GNAS-AS1: variants seen among roughly 807,000 people sequenced by gnomAD.
GNAS-AS1 encodes GNAS antisense RNA 1 (non-protein coding).
chr20:58,822,808 C>T (rs2145450195), intron 4 of GNAS-AS1, among the ~76,000 whole-genome samples: 2 of 152,154 alleles, frequency 1.3e-5, no homozygotes, highest in South Asian at 4.2e-4. Context: ...GAGTGGAAAG[C>T]AGGGTGCTGA....
chr20:58,823,661 T>C (rs912331789), intron 4 of GNAS-AS1, among the ~76,000 whole-genome samples: 7 of 152,266 alleles, frequency 4.6e-5, no homozygotes, highest in Non-Finnish European at 8.8e-5. Flanking sequence ...ATGTGGGCTC[T>C]GCACGTTCCC....
intron 4 of GNAS-AS1, chr20:58,838,955 T>C: frequency 8.5e-6 from 3 of 354,822 alleles, no homozygotes; most frequent in Non-Finnish European, 1.5e-5. Context: ...ACCTAGGAAA[T>C]GGCTGTAAGG....
At chr20:58,825,563 T>A (rs1017595216) in intron 4 of GNAS-AS1, among the ~76,000 whole-genome samples, 3 of 152,146 alleles carry the variant, frequency 2.0e-5, no homozygotes, top group Admixed American at 1.3e-4. Context: ...TGTATTTACA[T>A]AAAAAAACAG....
intron 4 of GNAS-AS1, among the ~76,000 whole-genome samples, chr20:58,822,559 C>T (rs561417820): frequency 6.6e-6 from 1 of 152,312 alleles, no homozygotes; most frequent in African/African-American, 2.4e-5. Context: ...AAAAGAACTC[C>T]TGTGTGGTCG....
rs868770860 is a variant in GNAS-AS1 at position 58,840,575 on chromosome 20, C to T, written n.819+1362G>A. Reference sequence around the variant, plus strand: ...GGTGCCCAAGCACTCCACCTTCGGCCAGTCCCTCACCCAGCGTCTGCACGC... The same window carrying T: ...GGTGCCCAAGCACTCCACCTTCGGCTAGTCCCTCACCCAGCGTCTGCACGC... On this transcript the variant is annotated intron_variant and non_coding_transcript_variant, in intron 4 of 4. Transcript: ENST00000424094. The surrounding 1 kb of genome is among the most constrained non-coding windows in gnomAD (Gnocchi z 6.0). 6.2e-7 allele frequency: 1 copy of T among 1,612,558 alleles called. No homozygotes were observed. The highest frequency in any genetic ancestry group is 8.5e-7 in the Non-Finnish European group (1 of 1,179,646).
At chr20:58,824,756 A>T (rs969884888) in intron 4 of GNAS-AS1, among the ~76,000 whole-genome samples, 9 of 152,292 alleles carry the variant, frequency 5.9e-5, no homozygotes, top group African/African-American at 2.2e-4. Context: ...CGCTGTAAAC[A>T]TTTTATCATG....
chr20:58,850,116 C>A (rs1012140586), intron 1 of GNAS-AS1, among the ~76,000 whole-genome samples: 4 of 152,154 alleles, frequency 2.6e-5, no homozygotes, highest in Non-Finnish European at 5.9e-5. Context: ...GTGGGCAAAC[C>A]GTCTCCCATC....
chr20:58,819,855 C>T (rs879619177), intron 4 of GNAS-AS1, among the ~76,000 whole-genome samples: 21 of 152,218 alleles, frequency 1.4e-4, no homozygotes, highest in Non-Finnish European at 1.6e-4. Context: ...AAACCCAGAC[C>T]CACACAGGTG....
chr20:58,833,328 C>G (rs111339190), intron 4 of GNAS-AS1, among the ~76,000 whole-genome samples: 1 of 152,174 alleles, frequency 6.6e-6, no homozygotes, highest in African/African-American at 2.4e-5. Flanking sequence ...GGGAAGGACT[C>G]CCAATTTATG....
At chr20:58,847,536 T>C (rs186565424) in intron 2 of GNAS-AS1, among the ~76,000 whole-genome samples, 4 of 152,382 alleles carry the variant, frequency 2.6e-5, no homozygotes, top group Non-Finnish European at 4.4e-5. Flanking sequence ...AGAAGCTTCA[T>C]AGTTGCCTAA....
At chr20:58,822,096 C>T (rs1463398338) in intron 4 of GNAS-AS1, among the ~76,000 whole-genome samples, 2 of 152,174 alleles carry the variant, frequency 1.3e-5, no homozygotes, top group African/African-American at 4.8e-5. Flanking sequence ...AGGGGCCCAC[C>T]AGGAGGAAGG....
In GNAS-AS1 at chr20:58,838,752, A is replaced by G. The variant is rs571677156; in HGVS notation, n.819+3185T>C. ...GGCCAATATGGCGAAACCCCTCTCT[A>G]CTAAAACTACAAAAATTAGCCGAGC... On this transcript the variant is annotated intron_variant and non_coding_transcript_variant, in intron 4 of 4. Transcript: ENST00000424094. 8.2e-5 allele frequency: 29 copies of G among 353,338 alleles called. No homozygotes were observed. The East Asian group carries it at 1.2e-3, about 15-fold the overall frequency. The allele number at this position is 353,338 out of a possible 1,614,324, so 21.9% of individuals were successfully genotyped here. A position where few individuals can be genotyped will look rare whatever the true frequency, so the allele number is the denominator to read the frequency against.
Position 58,840,299 on chromosome 20 carries a change from C to A in GNAS-AS1, n.819+1638G>T, listed in dbSNP as rs777423607. 6.2e-7 allele frequency: 1 copy of A among 1,612,714 alleles called. No individual in the cohort carries two copies. Among genetic ancestry groups the A allele is most frequent in the Non-Finnish European group, 8.5e-7 (1 of 1,179,956 alleles). ...GGCTGCCCAACAGCGCCGGAGCTTC[C>A]TTAACGCCCACCACCGCTCCGGCGC... On this transcript the variant is annotated intron_variant and non_coding_transcript_variant, in intron 4 of 4. Coordinates refer to ENST00000424094, the Ensembl canonical transcript of GNAS-AS1. This position sits in a 1 kb window ranked among gnomAD's most constrained non-coding sequence, Gnocchi z 6.0.
At chr20:58,838,363 G>A (rs978499011) in intron 4 of GNAS-AS1, among the ~76,000 whole-genome samples, 9 of 152,144 alleles carry the variant, frequency 5.9e-5, no homozygotes, top group East Asian at 1.9e-4. Context: ...ACAACAACAC[G>A]ATCTAGTGGT....
rs3761262 is a variant in GNAS-AS1, at chr20:58,839,326, T to C, written n.819+2611A>G. ...TTACCATCCTCAAACTATTAAGCCATTGGAAAATGCTAGAGGCTTAATACT... is the reference window on the plus strand; with the variant it reads ...TTACCATCCTCAAACTATTAAGCCACTGGAAAATGCTAGAGGCTTAATACT... On this transcript the variant is annotated intron_variant and non_coding_transcript_variant, in intron 4 of 4. Transcript: ENST00000424094. 2.0e-3 allele frequency: 808 copies of C among 398,662 alleles called. 13 individuals carry two copies. The East Asian group carries it at 0.028, about 14-fold the overall frequency. 24.7% of individuals were successfully genotyped at this position (398,662 alleles called of 1,614,324 possible).
At chr20:58,848,935 G>C (rs1017497973) in intron 1 of GNAS-AS1, 2 of 398,336 alleles carry the variant, frequency 5.0e-6, no homozygotes, top group African/African-American at 2.1e-5. Context: ...GAAATAACAG[G>C]AGTGGAAAAA....
Position 58,841,848 on chromosome 20 carries a change from G to A in GNAS-AS1, n.819+89C>T, listed in dbSNP as rs2085742822. 1 of 1,230,904 alleles carries A rather than the reference G, an allele frequency of 8.1e-7. No individual in the cohort carries two copies. Among genetic ancestry groups the A allele is most frequent in the Non-Finnish European group, 1.0e-6 (1 of 987,978 alleles). The allele number at this position is 1,230,904 out of a possible 1,614,324, so 76.2% of individuals were successfully genotyped here. ...GGGCTGTTTGCGCAGGACCTCTGGA[G>A]GCCCTCGAGATCGTCGCAAGTGGAA... On this transcript the variant is annotated intron_variant and non_coding_transcript_variant, in intron 4 of 4. Transcript: ENST00000424094. The surrounding 1 kb of genome is among the most constrained non-coding windows in gnomAD (Gnocchi z 5.0).
intron 4 of GNAS-AS1, among the ~76,000 whole-genome samples, chr20:58,830,211 C>CCGCCA (rs2085545988): frequency 6.7e-6 from 1 of 149,996 alleles, no homozygotes; most frequent in African/African-American, 2.5e-5. Context: ...ATCATCACCA[C>CCGCCA]CACCACCACA....
intron 4 of GNAS-AS1, among the ~76,000 whole-genome samples, chr20:58,825,003 C>T (rs896498171): frequency 1.3e-5 from 2 of 152,204 alleles, no homozygotes; most frequent in Admixed American, 6.5e-5. Context: ...GGGCTCATCT[C>T]GCTGGGGCTT....
Sources: gnomAD v4.1 joint callset for allele counts (sites outside exome capture counted in the v4.1 genomes callset) on GRCh38, gnomAD v4.1.1 for gene constraint, Gnocchi (gnomAD v3.1) non-coding constraint, MANE v1.5 for transcripts, NCBI Gene and HGNC (gene_info 2026-07-23, HGNC 2026-07-21) for gene names.